SULF2: variants seen among roughly 807,000 people sequenced by gnomAD.
The protein encoded by SULF2 is sulfatase 2.
A neutral mutation model predicts 107.7 loss-of-function variants in SULF2; 52 were observed. The ratio of observed to expected loss-of-function variants is 0.48; its 90% CI spans 0.39 to 0.61. SULF2 has a LOEUF of 0.61. Among genes scored for constraint, SULF2 ranks in the 20% least tolerant of loss-of-function variants. SULF2 has a pLI of 0.00. For synonymous variants in SULF2, 460 were observed against 464.3 expected, an observed-to-expected ratio of 0.99 and a Z score of 0.12; for missense variants, 993 against 1,177.3, an observed-to-expected ratio of 0.84 and a Z score of 2.29.
intron 2 of SULF2, among the ~76,000 whole-genome samples, chr20:47,748,022 C>G (rs987155302): frequency 2.0e-5 from 3 of 152,206 alleles, no homozygotes; most frequent in African/African-American, 4.8e-5. Flanking sequence ...CCTGGGCCAC[C>G]CTCTTCACCT....
chr20:47,783,436 C>CAGGTCCA (rs2090867102), intron 1 of SULF2, among the ~76,000 whole-genome samples: 1 of 152,216 alleles, frequency 6.6e-6, no homozygotes, highest in Non-Finnish European at 1.5e-5. Context: ...TCTCCCAAAT[C>CAGGTCCA]AGGTCCAAAT....
chr20:47,746,120 C>T (rs753363904), intron 2 of SULF2, among the ~76,000 whole-genome samples: 17 of 152,218 alleles, frequency 1.1e-4, no homozygotes, highest in African/African-American at 2.4e-4. Context: ...CCTACCATGC[C>T]GACTTCCTCC....
chr20:47,728,221 G>A (rs934928249), intron 3 of SULF2, among the ~76,000 whole-genome samples: 1 of 152,102 alleles, frequency 6.6e-6, no homozygotes, highest in Non-Finnish European at 1.5e-5. Context: ...GTGTGTGTGC[G>A]TGCGTGCGTG....
chr20:47,749,676 G>T (rs935171729), intron 2 of SULF2, among the ~76,000 whole-genome samples: 5 of 152,222 alleles, frequency 3.3e-5, no homozygotes, highest in Non-Finnish European at 5.9e-5. Flanking sequence ...GTTCACAGAT[G>T]GAAAGTGGAA....
At chr20:47,744,264 C>A (rs1455987966) in intron 2 of SULF2, among the ~76,000 whole-genome samples, 1 of 152,128 alleles carries the variant, frequency 6.6e-6, no homozygotes, top group East Asian at 1.9e-4. Flanking sequence ...CTCACTGCAA[C>A]CTCTACCTCC....
chr20:47,665,234 T>C lies in SULF2; in HGVS notation c.1962A>G (p.Lys654=). ...GACAGTCACATTCTTCTGGCCGCTT[T>C]TTCTTCAGGTGACCTCGGACTTCCC... The part of the protein sequence containing the change: ...NLREVRGHLK[K]KRPEECDCHK... Residue 654 remains lysine (K), a synonymous_variant, in exon 14 of 21, where the codon AAA becomes AAG. Transcript: ENST00000688720. The C allele has an allele frequency of 6.2e-7, 1 of 1,614,176 alleles. No individual in the cohort carries two copies. Among genetic ancestry groups the C allele is most frequent in the South Asian group, 1.1e-5 (1 of 91,086 alleles).
intron 1 of SULF2, among the ~76,000 whole-genome samples, chr20:47,759,054 G>A (rs1258143287): frequency 6.6e-6 from 1 of 152,172 alleles, no homozygotes; most frequent in Non-Finnish European, 1.5e-5. Flanking sequence ...GGCAGCCGGA[G>A]GAATCTTCCT....
intron 1 of SULF2, among the ~76,000 whole-genome samples, chr20:47,783,004 A>G (rs2090859251): frequency 6.6e-6 from 1 of 152,174 alleles, no homozygotes; most frequent in Non-Finnish European, 1.5e-5. Flanking sequence ...CTTGAATCCC[A>G]GCTCTACCTG....
At chr20:47,737,667 G>A (rs1162321692) in intron 2 of SULF2, among the ~76,000 whole-genome samples, 1 of 151,640 alleles carries the variant, frequency 6.6e-6, no homozygotes, top group African/African-American at 2.4e-5. Context: ...AGAGCTCTGA[G>A]CAGTCTTGCA....
intron 1 of SULF2, among the ~76,000 whole-genome samples, chr20:47,770,099 C>T (rs996713693): frequency 2.3e-4 from 30 of 128,768 alleles, no homozygotes; most frequent in South Asian, 1.0e-3. Flanking sequence ...CCTGCTCTGT[C>T]GCCCAGGCTG....
Position 47,680,519 on chromosome 20 carries a change from T to C in SULF2, c.1065-1715A>G, listed in dbSNP as rs1019820267. Among the ~76,000 whole-genome samples, 5 of 152,188 alleles carry C rather than the reference T, an allele frequency of 3.3e-5. No homozygotes were observed. The highest frequency in any genetic ancestry group is 1.2e-4 in the African/African-American group (5 of 41,450). The stretch of plus-strand genomic sequence containing the variant: ...GTCCCGTCAGAGCATCTGAGTGCCT[T>C]CCCCGCTAGTTCCCTGGGGACCAGG... On this transcript the variant is annotated intron_variant, in intron 7 of 20. Coordinates refer to ENST00000688720, the MANE Select transcript of SULF2 (RefSeq NM_001387048.1). The surrounding 1 kb of genome is among the most constrained non-coding windows in gnomAD (Gnocchi z 4.2).
chr20:47,662,593 C>T (rs1179564486), intron 17 of SULF2, among the ~76,000 whole-genome samples: 1 of 152,200 alleles, frequency 6.6e-6, no homozygotes, highest in Non-Finnish European at 1.5e-5. Flanking sequence ...CATGCCACTG[C>T]TCCTTTTGGT....
intron 11 of SULF2, among the ~76,000 whole-genome samples, chr20:47,667,562 C>T (rs570111441): frequency 2.2e-4 from 34 of 152,258 alleles, no homozygotes; most frequent in Non-Finnish European, 3.5e-4. Context: ...ATGGTCAGGA[C>T]GGGCCGGGGA....
At chr20:47,659,527 AAAG>A (rs1473989509) in intron 19 of SULF2, 75 bp from the exon 20 acceptor site, 10 of 1,522,980 alleles carry the variant, frequency 6.6e-6, no homozygotes, top group Admixed American at 1.7e-5. Flanking sequence ...AGAACTATAC[AAAG>A]AAGGTCTCCT....
At chr20:47,687,143 C>T (rs1224300639) in intron 5 of SULF2, among the ~76,000 whole-genome samples, 1 of 152,214 alleles carries the variant, frequency 6.6e-6, no homozygotes, top group African/African-American at 2.4e-5. Flanking sequence ...GACATCGGCC[C>T]TCGAGAACAG....
rs367939169 is a variant in SULF2 at position 47,758,124 on chromosome 20, C to G, written c.-100-661G>C. ...CTGCTGGGGATGCGTGTGAAAGCCC[C>G]TTGTTAAGGGATCTTGTAGTTGGGC... is the stretch of plus-strand genomic sequence containing the variant. On this transcript the variant is annotated intron_variant, in intron 1 of 20. Transcript: ENST00000688720. 1.3e-4 allele frequency among the ~76,000 whole-genome samples: 20 copies of G among 150,100 alleles called. 1 individual carries two copies. Among genetic ancestry groups the G allele is most frequent in the East Asian group, 9.8e-4 (5 of 5,102 alleles).
At chr20:47,776,302 C>T (rs1214047780) in intron 1 of SULF2, among the ~76,000 whole-genome samples, 2 of 152,196 alleles carry the variant, frequency 1.3e-5, no homozygotes, top group East Asian at 3.8e-4. Context: ...GCGAGCTGAA[C>T]AGAGCCCCTG....
chr20:47,756,126 G>C (rs910912459), intron 2 of SULF2, among the ~76,000 whole-genome samples: 1 of 152,136 alleles, frequency 6.6e-6, no homozygotes. Context: ...AAACAGCGTC[G>C]GGGCTACACA....
intron 18 of SULF2, among the ~76,000 whole-genome samples, chr20:47,660,155 C>T (rs1056706849): frequency 3.9e-5 from 6 of 152,202 alleles, no homozygotes; most frequent in African/African-American, 1.4e-4. Flanking sequence ...GCTCCGGGGT[C>T]AGCCCACCTT....
Sources: gnomAD v4.1 joint callset for allele counts (sites outside exome capture counted in the v4.1 genomes callset) on GRCh38, gnomAD v4.1.1 for gene constraint, Gnocchi (gnomAD v3.1) non-coding constraint, MANE v1.5 for transcripts, NCBI Gene and HGNC (gene_info 2026-07-23, HGNC 2026-07-21) for gene names.